Variants in PDGFD observed in about 807,000 individuals in gnomAD.
PDGFD encodes platelet derived growth factor D, also known as platelet-derived growth factor D.
Under a neutral mutation model 44.7 loss-of-function variants are expected in PDGFD, and 30 were observed. The observed-to-expected ratio is 0.67, with a 90% CI of 0.50 to 0.91. The LOEUF (loss-of-function observed/expected upper bound fraction) is 0.91. PDGFD is among the 40% of genes least tolerant of loss of function. The probability of loss-of-function intolerance (pLI) is 0.00; values close to 1 mark genes in which losing one functional copy is unlikely to be tolerated. For missense variants in PDGFD, 445 were observed against 457.8 expected (o/e 0.97, Z 0.25); for synonymous variants, 173 against 168.4 (o/e 1.03, Z -0.21).
intron 1 of PDGFD, among the ~76,000 whole-genome samples, chr11:104,093,217 T>G (rs1296040730): frequency 6.6e-6 from 1 of 152,066 alleles, no homozygotes; most frequent in African/African-American, 2.4e-5. Flanking sequence ...AGTTACATTT[T>G]ACTGATCAAA....
chr11:103,990,317 T>C (rs1452384256), intron 3 of PDGFD, among the ~76,000 whole-genome samples: 1 of 152,218 alleles, frequency 6.6e-6, no homozygotes, highest in Non-Finnish European at 1.5e-5. Flanking sequence ...TCTTCTTCCA[T>C]AGCTTTGCGT....
chr11:104,011,115 A>C (rs892294575), intron 1 of PDGFD, among the ~76,000 whole-genome samples: 2 of 152,122 alleles, frequency 1.3e-5, no homozygotes, highest in Admixed American at 6.6e-5. Context: ...AGTAACTTTA[A>C]GAAGTAACCA....
intron 3 of PDGFD, among the ~76,000 whole-genome samples, chr11:103,966,691 A>G (rs1022371708): frequency 6.6e-6 from 1 of 152,130 alleles, no homozygotes; most frequent in African/African-American, 2.4e-5. Context: ...TTTAAATTGG[A>G]TTTCTGACAT....
intron 4 of PDGFD, chr11:103,945,603 T>G (rs1049646073): frequency 6.6e-6 from 1 of 152,172 alleles, no homozygotes; most frequent in Non-Finnish European, 1.5e-5. Context: ...GCTTCCCTCA[T>G]TTTTGAAATA....
At chr11:104,005,795 G>C (rs1259678382) in intron 1 of PDGFD, among the ~76,000 whole-genome samples, 1 of 152,168 alleles carries the variant, frequency 6.6e-6, no homozygotes, top group Non-Finnish European at 1.5e-5. Context: ...ACTACTTTCA[G>C]AGCACACATG....
intron 3 of PDGFD, among the ~76,000 whole-genome samples, chr11:103,958,146 T>C (rs1294889952): frequency 1.3e-5 from 2 of 152,054 alleles, no homozygotes; most frequent in Admixed American, 1.3e-4. Flanking sequence ...ATACTTTCCA[T>C]AAATTATCTC....
At chr11:103,911,952 C>T (rs1858035171) in intron 6 of PDGFD, among the ~76,000 whole-genome samples, 2 of 120,886 alleles carry the variant, frequency 1.7e-5, no homozygotes, top group Non-Finnish European at 3.7e-5. Flanking sequence ...AAGAAACAAA[C>T]AAAGCCTCCA....
intron 6 of PDGFD, among the ~76,000 whole-genome samples, chr11:103,918,172 T>G (rs1858156724): frequency 6.6e-6 from 1 of 152,090 alleles, no homozygotes; most frequent in Non-Finnish European, 1.5e-5. Flanking sequence ...TGTCAGAAAT[T>G]TTGATATTGG....
At chr11:104,041,018 T>C (rs1860341566) in intron 1 of PDGFD, among the ~76,000 whole-genome samples, 1 of 152,096 alleles carries the variant, frequency 6.6e-6, no homozygotes, top group South Asian at 2.1e-4. Flanking sequence ...CTTCTTTATC[T>C]GACATATTTT....
At chr11:104,005,298 G>A (rs1272880024) in intron 1 of PDGFD, among the ~76,000 whole-genome samples, 2 of 152,216 alleles carry the variant, frequency 1.3e-5, no homozygotes, top group Non-Finnish European at 2.9e-5. Context: ...TGGTTCCAGA[G>A]TAGATGCTTC....
At chr11:104,059,339 T>G (rs1263728463) in intron 1 of PDGFD, among the ~76,000 whole-genome samples, 1 of 152,204 alleles carries the variant, frequency 6.6e-6, no homozygotes, top group Admixed American at 6.5e-5. Context: ...TACTTAAAAA[T>G]AAAAAGCCTT....
intron 6 of PDGFD, among the ~76,000 whole-genome samples, chr11:103,910,760 T>TCCCCTGGAAAAGGGCTGAAG (rs71037205): frequency 1.3e-5 from 2 of 151,632 alleles, no homozygotes; most frequent in African/African-American, 4.8e-5. Flanking sequence ...AACCATTCAC[T>TCCCCTGGAAAAGGGCTGAAG]CCAGGGATCC....
chr11:103,932,669 A>G (rs1375650434), intron 5 of PDGFD, among the ~76,000 whole-genome samples: 1 of 152,214 alleles, frequency 6.6e-6, no homozygotes, highest in African/African-American at 2.4e-5. Context: ...AACGATTAGG[A>G]GCAAGGTGCT....
rs144127499 is a variant in PDGFD at position 104,148,841 on chromosome 11, T to C, written c.124+14963A>G. ...CTTACACTTATAAGTAAGAACATAT[T>C]GTATTTGGTTTTCTGTTTCTGTTAG... On this transcript the variant is annotated intron_variant, in intron 1 of 6. Coordinates refer to ENST00000393158, the MANE Select transcript of PDGFD (RefSeq NM_025208.5). Among the ~76,000 whole-genome samples, 407 of 152,236 alleles carry C rather than the reference T, an allele frequency of 2.7e-3. 3 individuals carry two copies. The highest frequency in any genetic ancestry group is 9.4e-3 in the African/African-American group (390 of 41,554).
intron 1 of PDGFD, among the ~76,000 whole-genome samples, chr11:104,158,264 A>G (rs1274054079): frequency 6.6e-6 from 1 of 152,256 alleles, no homozygotes; most frequent in Non-Finnish European, 1.5e-5. Context: ...ATGTGGAGCT[A>G]TTCTGTTGAA....
At chr11:103,969,778 C>G (rs529191523) in intron 3 of PDGFD, among the ~76,000 whole-genome samples, 2 of 151,788 alleles carry the variant, frequency 1.3e-5, no homozygotes, top group East Asian at 3.9e-4. Flanking sequence ...ATTCTAGTAG[C>G]AATAAAATAC....
chr11:103,943,511 T>G lies in PDGFD; in HGVS notation c.713A>C (p.Asn238Thr). Residue 238 changes from asparagine to threonine, a missense_variant, in exon 5 of 7, where the codon AAT becomes ACT. Physicochemically the swap from Asn to Thr is moderately conservative, Grantham distance 65 (BLOSUM62 0). Transcript: ENST00000393158. Reference protein sequence around the residue: ...NPESWQEDLENMYLDTPRYRG... With the variant: ...NPESWQEDLETMYLDTPRYRG... ...ATACCGAGGGGTGTCCAGATACATATTCTCAAGATCTTCTTGCCATGACTC... is the reference window on the plus strand; with the variant it reads ...ATACCGAGGGGTGTCCAGATACATAGTCTCAAGATCTTCTTGCCATGACTC... 1 of 1,613,398 alleles carries G rather than the reference T, an allele frequency of 6.2e-7. No homozygotes were observed. Among genetic ancestry groups the G allele is most frequent in the Non-Finnish European group, 8.5e-7 (1 of 1,179,616 alleles).
intron 1 of PDGFD, among the ~76,000 whole-genome samples, chr11:104,137,728 C>CTTTTTTTTT (rs5794295): frequency 2.6e-5 from 2 of 76,616 alleles, no homozygotes; most frequent in Non-Finnish European, 4.9e-5. Context: ...TAGATCACCA[C>CTTTTTTTTT]TTTTTTTTTT....
intron 3 of PDGFD, among the ~76,000 whole-genome samples, chr11:103,983,144 C>A (rs1413434042): frequency 6.6e-6 from 1 of 151,844 alleles, no homozygotes; most frequent in East Asian, 1.9e-4. Flanking sequence ...AAGCTGGAGG[C>A]ATCACACAAC....
Sources: gnomAD v4.1 joint callset for allele counts (sites outside exome capture counted in the v4.1 genomes callset) on GRCh38, gnomAD v4.1.1 for gene constraint, MANE v1.5 for transcripts, NCBI Gene and HGNC (gene_info 2026-07-23, HGNC 2026-07-21) for gene names.